The following FREM1 variants were observed in gnomAD, a reference collection of about 807,000 sequenced individuals.
FREM1 encodes FRAS1-related extracellular matrix protein 1.
A neutral mutation model predicts 210.1 loss-of-function variants in FREM1; 220 were observed. The observed-to-expected ratio is 1.05, with a 90% CI of 0.94 to 1.17. FREM1 has a LOEUF of 1.17. FREM1 is among the 50% of genes most tolerant of loss of function. The pLI is 0.00. For synonymous variants in FREM1, 1,189 were observed against 980.2 expected (o/e 1.21, Z -3.98); for missense variants, 3,454 against 2,675.5 (o/e 1.29, Z -6.42).
At chr9:14,818,467 T>C (rs2130689158) in intron 14 of FREM1, among the ~76,000 whole-genome samples, 1 of 152,352 alleles carries the variant, frequency 6.6e-6, no homozygotes, top group East Asian at 1.9e-4. Context: ...TAATATCTCC[T>C]ATCATACTTT....
In FREM1 at chr9:14,824,850, T is replaced by C. The variant is rs1206738070; in HGVS notation, c.2024A>G (p.Asp675Gly). Residue 675 changes from aspartate to glycine, a missense_variant, in exon 11 of 37, where the codon GAC (aspartate) becomes GGC (glycine). Coordinates refer to ENST00000380880, the MANE Select transcript of FREM1 (RefSeq NM_001379081.2). The stretch of plus-strand genomic sequence containing the variant: ...AGTTATTGTGTAGACCAGCTCCCTG[T>C]CATATGATTCTGAATCTATAAAATG... ...QLHFIDSESYDRELVYTITTP... is the reference protein window; with the variant it reads ...QLHFIDSESYGRELVYTITTP... 1 of 1,613,550 alleles carries C rather than the reference T, an allele frequency of 6.2e-7. No individual in the cohort carries two copies. Among genetic ancestry groups the C allele is most frequent in the East Asian group, 2.2e-5 (1 of 44,858 alleles).
intron 1 of FREM1, among the ~76,000 whole-genome samples, chr9:14,904,549 A>C (rs2132683749): frequency 6.6e-6 from 1 of 151,396 alleles, no homozygotes; most frequent in South Asian, 2.1e-4. Context: ...TATTTTTTAA[A>C]ATAGTCTGTC....
intron 3 of FREM1, among the ~76,000 whole-genome samples, chr9:14,863,106 C>T (rs757381092): frequency 1.1e-4 from 17 of 152,032 alleles, no homozygotes; most frequent in Admixed American, 3.9e-4. Flanking sequence ...CTTTGGGAGG[C>T]GGAGACAGGC....
intron 8 of FREM1, among the ~76,000 whole-genome samples, chr9:14,843,355 C>A (rs1255739648): frequency 3.3e-5 from 5 of 152,230 alleles, no homozygotes; most frequent in South Asian, 4.1e-4. Context: ...GTTACACCAT[C>A]AGCTTCCCTG....
chr9:14,826,409 T>G (rs975917696), intron 10 of FREM1, among the ~76,000 whole-genome samples: 1 of 152,150 alleles, frequency 6.6e-6, no homozygotes, highest in African/African-American at 2.4e-5. Flanking sequence ...CATCTTTTAC[T>G]ACCTTTTAAC....
At chr9:14,835,998 A>G (rs763729151) in intron 10 of FREM1, among the ~76,000 whole-genome samples, 1 of 152,248 alleles carries the variant, frequency 6.6e-6, no homozygotes, top group Non-Finnish European at 1.5e-5. Context: ...GGTAACGTCA[A>G]AATGTGAATC....
At position 14,819,332 on chromosome 9, in the gene FREM1, C is replaced by A. The variant is rs1820858418; in HGVS notation, c.2448G>T (p.Leu816=). The change falls in exon 14 of 37, where the codon CTG becomes CTT. Residue 816 remains leucine (L), a synonymous_variant. Coordinates refer to ENST00000380880, the MANE Select transcript of FREM1 (RefSeq NM_001379081.2). ...DTKLDNIDLS[L]RELPLHGRVE... ...CCCTTCCGTGCAGAGGCAATTCCCG[C>A]AGGGAGAGGTCAATATTGTCCAGCT... 1 of 1,613,710 alleles carries A rather than the reference C, an allele frequency of 6.2e-7. No homozygotes were observed. Among genetic ancestry groups the A allele is most frequent in the Admixed American group, 1.7e-5 (1 of 59,982 alleles).
Position 14,747,434 on chromosome 9 carries a change from G to T in FREM1, c.5845-6C>A. 1 of 1,610,062 alleles carries T rather than the reference G, an allele frequency of 6.2e-7. No individual in the cohort carries two copies. Among genetic ancestry groups the T allele is most frequent in the Non-Finnish European group, 8.5e-7 (1 of 1,178,330 alleles). On this transcript the variant is annotated splice_polypyrimidine_tract_variant and splice_region_variant and intron_variant, in intron 32 of 36. Coordinates refer to ENST00000380880, the MANE Select transcript of FREM1 (RefSeq NM_001379081.2). ...AAGGAAACTATCCCATGATACTTGA[G>T]GAAACCAACAATCAACAACAATAAG...
chr9:14,860,666 TATATACAC>T (rs1265889363), intron 3 of FREM1, among the ~76,000 whole-genome samples: 1 of 133,852 alleles, frequency 7.5e-6, no homozygotes, highest in Admixed American at 7.7e-5. Flanking sequence ...CATATATACA[TATATACAC>T]ACATATATAC....
At chr9:14,764,495 T>C (rs1398103120) in intron 27 of FREM1, among the ~76,000 whole-genome samples, 1 of 152,236 alleles carries the variant, frequency 6.6e-6, no homozygotes, top group Non-Finnish European at 1.5e-5. Flanking sequence ...AAAGATGGCA[T>C]TGATAAATGA....
intron 10 of FREM1, among the ~76,000 whole-genome samples, chr9:14,832,660 G>T (rs760681544): frequency 1.3e-5 from 2 of 152,124 alleles, no homozygotes; most frequent in African/African-American, 4.8e-5. Context: ...TTGATGTAGA[G>T]TTGAGCTAGC....
intron 29 of FREM1, among the ~76,000 whole-genome samples, chr9:14,751,006 C>T (rs151131440): frequency 1.7e-4 from 26 of 152,292 alleles, no homozygotes; most frequent in Non-Finnish European, 1.5e-4. Context: ...ATCCTGTCAA[C>T]ACCAAGACTG....
intron 10 of FREM1, among the ~76,000 whole-genome samples, chr9:14,833,604 C>CT (rs1823985525): frequency 6.6e-6 from 1 of 152,148 alleles, no homozygotes; most frequent in Non-Finnish European, 1.5e-5. Flanking sequence ...TGTGAGGTTA[C>CT]TTTTTTGTAA....
In FREM1 at chr9:14,836,727, A is replaced by G. The variant is rs1824683446; in HGVS notation, c.1881+4720T>C. ...GCTGCAAACTGAACCGCATGTGGACATGCCATTCTTCCGAGGACCCTTAAA... is the reference window on the plus strand; with the variant it reads ...GCTGCAAACTGAACCGCATGTGGACGTGCCATTCTTCCGAGGACCCTTAAA... On this transcript the variant is annotated intron_variant, in intron 10 of 36. Transcript: ENST00000380880. This position sits in a 1 kb window ranked among gnomAD's most constrained non-coding sequence, Gnocchi z 4.9. Among the ~76,000 whole-genome samples the G allele has an allele frequency of 6.6e-6, 1 of 152,208 alleles. No individual in the cohort carries two copies. Among genetic ancestry groups the G allele is most frequent in the Non-Finnish European group, 1.5e-5 (1 of 68,034 alleles).
Position 14,770,682 on chromosome 9 carries a change from G to A in FREM1, c.4982C>T (p.Pro1661Leu). ...GATGATCTGATCGTCCTCAGTGTCAGGGTCTGATGCCTTCAACACGCGGGA... is the reference window on the plus strand; with the variant it reads ...GATGATCTGATCGTCCTCAGTGTCAAGGTCTGATGCCTTCAACACGCGGGA... ...ITSRVLKASD[P>L]DTEDDQIIFK... is the part of the protein sequence containing the mutation. Residue 1661 changes from proline (P) to leucine (L), a missense_variant, in exon 26 of 37, where the codon CCT (proline) becomes CTT (leucine). Coordinates refer to ENST00000380880, the MANE Select transcript of FREM1 (RefSeq NM_001379081.2). 1 of 1,613,532 alleles carries A rather than the reference G, an allele frequency of 6.2e-7. No homozygotes were observed. Among genetic ancestry groups the A allele is most frequent in the South Asian group, 1.1e-5 (1 of 91,078 alleles).
Position 14,808,081 on chromosome 9 carries a change from C to T in FREM1, c.2947G>A (p.Asp983Asn). 1 of 1,613,526 alleles carries T rather than the reference C, an allele frequency of 6.2e-7. No homozygotes were observed. The highest frequency in any genetic ancestry group is 2.2e-5 in the East Asian group (1 of 44,872). The change falls in exon 17 of 37, where the codon GAT (aspartate) becomes AAT (asparagine). Residue 983 changes from aspartate (D) to asparagine (N), a missense_variant. Transcript: ENST00000380880. ...CFDTITLVVS[D>N]GEAGPFVNGC... ...TTCACAAAAGGGCCAGCCTCTCCATCCGAAACCACCAATGTAATGGTGTCA... is the reference window on the plus strand; with the variant it reads ...TTCACAAAAGGGCCAGCCTCTCCATTCGAAACCACCAATGTAATGGTGTCA...
chr9:14,879,177 C>G (rs1158952388), intron 1 of FREM1, among the ~76,000 whole-genome samples: 1 of 140,696 alleles, frequency 7.1e-6, no homozygotes, highest in Non-Finnish European at 1.5e-5. Flanking sequence ...AAAAAAAGAA[C>G]TGGCATCATA....
chr9:14,744,039 A>G (rs1407521861), intron 35 of FREM1, among the ~76,000 whole-genome samples: 1 of 152,104 alleles, frequency 6.6e-6, no homozygotes, highest in African/African-American at 2.4e-5. Context: ...AAATATATGT[A>G]TTTAAAGCAA....
intron 28 of FREM1, among the ~76,000 whole-genome samples, chr9:14,758,686 G>C (rs1205593262): frequency 3.8e-5 from 5 of 130,808 alleles, no homozygotes; most frequent in Non-Finnish European, 8.6e-5. Context: ...GGGGGATGGG[G>C]TGGGGGGGAG....
Sources: allele counts gnomAD v4.1 joint callset (sites outside exome capture counted in the v4.1 genomes callset), GRCh38; gene constraint gnomAD v4.1.1; non-coding constraint Gnocchi (gnomAD v3.1); transcripts MANE v1.5; gene names NCBI Gene and HGNC (gene_info 2026-07-23, HGNC 2026-07-21).